MACF1: variants seen among roughly 807,000 people sequenced by gnomAD.
MACF1 encodes microtubule-actin cross-linking factor 1.
MACF1 carries 193 observed loss-of-function variants against 854.8 expected under a neutral mutation model. That is an observed-to-expected ratio of 0.23 (90% confidence interval 0.20 to 0.25). MACF1 has a LOEUF of 0.25. Among genes scored for constraint, MACF1 ranks in the 10% least tolerant of loss-of-function variants. The pLI, the probability that MACF1 is intolerant of heterozygous loss-of-function variation, is 1.00. For synonymous variants in MACF1, 3,185 were observed against 3,226.7 expected, an observed-to-expected ratio of 0.99 and a Z score of 0.44; for missense variants, 7,722 against 8,929.1, an observed-to-expected ratio of 0.86 and a Z score of 5.45.
chr1:39,256,265 G>A (rs1262590874), intron 5 of MACF1, among the ~76,000 whole-genome samples: 1 of 152,154 alleles, frequency 6.6e-6, no homozygotes, highest in Non-Finnish European at 1.5e-5. Context: ...GGCTGACAGA[G>A]GTAGGACTGA....
At chr1:39,162,623 T>A (rs1049209946) in intron 2 of MACF1, among the ~76,000 whole-genome samples, 1 of 152,222 alleles carries the variant, frequency 6.6e-6, no homozygotes, top group Non-Finnish European at 1.5e-5. Flanking sequence ...TATTAAACAT[T>A]TGATTTTCCT....
chr1:39,484,785 C>T (rs774120910), intron 100 of MACF1, 55 bp downstream of exon 100: 11 of 1,609,226 alleles, frequency 6.8e-6, no homozygotes, highest in Non-Finnish European at 8.5e-6. Flanking sequence ...AAACAACAGC[C>T]TATGTGGAAT....
In MACF1 at chr1:39,145,293, T is replaced by G. The variant is rs2148189445; in HGVS notation, c.220+60855T>G. On this transcript the variant is annotated intron_variant, in intron 2 of 93. Transcript: ENST00000361689. ...TGTTGCTCCACCCCACCTTATAAACTCTCAATAAGTAATTTAGTCTTTTAC... is the reference window on the plus strand; with the variant it reads ...TGTTGCTCCACCCCACCTTATAAACGCTCAATAAGTAATTTAGTCTTTTAC... 2.0e-5 allele frequency among the ~76,000 whole-genome samples: 3 copies of G among 152,274 alleles called. 1 individual carries two copies. In the South Asian group the frequency reaches 6.2e-4, roughly 32 times the overall value.
At position 39,316,510 on chromosome 1, in the gene MACF1, C is replaced by T. The variant is rs766358526; in HGVS notation, c.3569C>T (p.Ala1190Val). 1.2e-6 allele frequency: 2 copies of T among 1,613,244 alleles called. No individual in the cohort carries two copies. The highest frequency in any genetic ancestry group is 3.3e-5 in the Admixed American group (2 of 59,956). Reference protein sequence around the residue: ...VVLADLSALEAHWSTLRHWLS... With the variant: ...VVLADLSALEVHWSTLRHWLS... ...CTGGCAGATCTCTCAGCTCTGGAGGCCCATTGGTCGACATTACGGGTGAGT... is the reference window on the plus strand; with the variant it reads ...CTGGCAGATCTCTCAGCTCTGGAGGTCCATTGGTCGACATTACGGGTGAGT... Residue 1190 changes from alanine to valine, a missense_variant, in exon 28 of 101, where the codon GCC (alanine) becomes GTC (valine). Ala to Val is a moderately conservative substitution (Grantham distance 64). Coordinates refer to ENST00000564288, the MANE Select transcript of MACF1 (RefSeq NM_001394062.1).
At chr1:39,263,368 AT>A (rs963170254) in intron 6 of MACF1, among the ~76,000 whole-genome samples, 2 of 151,906 alleles carry the variant, frequency 1.3e-5, no homozygotes, top group African/African-American at 2.4e-5. Flanking sequence ...GCTTTAACAC[AT>A]TTTTTTTAAT....
At chr1:39,336,777 A>G (rs1646817409) in intron 37 of MACF1, 124 bp downstream of exon 37, 1 of 905,124 alleles carries the variant, frequency 1.1e-6, no homozygotes, top group Non-Finnish European at 1.6e-6. Flanking sequence ...AAGGCACTAG[A>G]TGATTCTCTA....
In MACF1 at chr1:39,360,965, A is replaced by G; in HGVS notation, c.12417A>G (p.Ser4139=). The G allele has an allele frequency of 6.2e-7, 1 of 1,614,138 alleles. No homozygotes were observed. The highest frequency in any genetic ancestry group is 8.5e-7 in the Non-Finnish European group (1 of 1,180,012). ...AAGGGAAGCAGGTGTCATCACTCTC[A>G]TCAGGAGTCATCCAGGAAGCCTTAG... is the stretch of plus-strand genomic sequence containing the variant. ...NLEGKQVSSL[S]SGVIQEALAT... Residue 4139 remains serine (S), a synonymous_variant, in exon 48 of 101, where the codon TCA becomes TCG. Coordinates refer to ENST00000564288, the MANE Select transcript of MACF1 (RefSeq NM_001394062.1).
At chr1:39,189,063 C>G (rs1644214427) in intron 2 of MACF1, among the ~76,000 whole-genome samples, 1 of 152,200 alleles carries the variant, frequency 6.6e-6, no homozygotes, top group African/African-American at 2.4e-5. Flanking sequence ...TTTAATATCC[C>G]TGTTTTCACT....
chr1:39,167,752 TAATCTC>T (rs1222178625), intron 2 of MACF1, among the ~76,000 whole-genome samples: 1 of 151,766 alleles, frequency 6.6e-6, no homozygotes. Flanking sequence ...CAGGCACCTA[TAATCTC>T]AGCTATTCAG....
chr1:39,292,164 C>A, intron 16 of MACF1, 126 bp downstream of exon 16: 2 of 1,068,502 alleles, frequency 1.9e-6, no homozygotes, highest in Non-Finnish European at 1.3e-6. Flanking sequence ...TGATGAAGAG[C>A]GGTTTATGAC....
intron 69 of MACF1, among the ~76,000 whole-genome samples, 155 bp downstream of exon 69, chr1:39,434,787 A>C: frequency 6.6e-6 from 1 of 152,224 alleles, no homozygotes; most frequent in East Asian, 1.9e-4. Context: ...AATCTGAATT[A>C]TTTCCTTGGT....
chr1:39,385,976 A>T (rs199630084), intron 57 of MACF1, 47 bp downstream of exon 57: 27 of 1,549,026 alleles, frequency 1.7e-5, no homozygotes, highest in Non-Finnish European at 2.6e-6. Flanking sequence ...AGAGGCAAGC[A>T]GAAAGAAGGA....
chr1:39,372,697 A>G (rs967106470), intron 52 of MACF1, 101 bp downstream of exon 52: 1 of 827,298 alleles, frequency 1.2e-6, no homozygotes, highest in African/African-American at 1.7e-5. Flanking sequence ...TCAAGGTTGG[A>G]TATGAAAACA....
chr1:39,219,826 C>T (rs1377557996), intron 1 of MACF1, among the ~76,000 whole-genome samples: 2 of 152,132 alleles, frequency 1.3e-5, no homozygotes, highest in Non-Finnish European at 2.9e-5. Context: ...TCTCAGCTCA[C>T]TGCAACCTCT....
intron 2 of MACF1, among the ~76,000 whole-genome samples, chr1:39,122,142 G>A (rs946806758): frequency 7.9e-5 from 12 of 152,068 alleles, no homozygotes; most frequent in Middle Eastern, 3.4e-3. Flanking sequence ...CAGTTGTATC[G>A]TATATAATTC....
At chr1:39,411,191 C>T (rs1642983138) in intron 58 of MACF1, 2 of 1,613,614 alleles carry the variant, frequency 1.2e-6, no homozygotes, top group African/African-American at 2.7e-5. Context: ...CTCATAACCC[C>T]CAGCCTGAGA....
chr1:39,282,995 A>C, intron 7 of MACF1, 194 bp from the exon 8 acceptor site: 1 of 527,362 alleles, frequency 1.9e-6, no homozygotes, highest in South Asian at 2.9e-5. Flanking sequence ...TGTATGTTTA[A>C]GTTTAGCATT....
Position 39,283,603 on chromosome 1 carries a change from T to G in MACF1, c.915+88T>G, listed in dbSNP as rs575471274. On this transcript the variant is annotated intron_variant, in intron 9 of 100. Coordinates refer to ENST00000564288, the MANE Select transcript of MACF1 (RefSeq NM_001394062.1). This position sits in a 1 kb window ranked among gnomAD's most constrained non-coding sequence, Gnocchi z 4.5. ...TAGACACTTTCTTAAGCACTTATGG[T>G]ATACTCATGGTATCAAACTATATAT... 12 of 892,480 alleles carry G rather than the reference T, an allele frequency of 1.3e-5. No homozygotes were observed. The East Asian group carries it at 3.0e-4, about 22-fold the overall frequency. 55.3% of individuals were successfully genotyped at this position (892,480 alleles called of 1,614,324 possible).
At chr1:39,410,309 C>A in intron 58 of MACF1, 1 of 1,612,134 alleles carries the variant, frequency 6.2e-7, no homozygotes, top group Non-Finnish European at 8.5e-7. Context: ...AGGCGGAACC[C>A]CAGCTGCCTG....
Sources: gnomAD v4.1 joint callset for allele counts (sites outside exome capture counted in the v4.1 genomes callset) on GRCh38, gnomAD v4.1.1 for gene constraint, Gnocchi (gnomAD v3.1) non-coding constraint, MANE v1.5 for transcripts, NCBI Gene and HGNC (gene_info 2026-07-23, HGNC 2026-07-21) for gene names.